PLG: variants seen among roughly 807,000 people sequenced by gnomAD.
PLG encodes the protein plasminogen, also known as plasmin.
In PLG, 41 loss-of-function variants were observed where a neutral mutation model predicts 104.4. The observed-to-expected ratio is 0.39, with a 90% CI of 0.31 to 0.51. The LOEUF is 0.51. Among genes scored for constraint, PLG ranks in the 20% least tolerant of loss-of-function variants. PLG has a pLI of 0.76. For missense variants in PLG, 891 were observed against 1,003.6 expected, an observed-to-expected ratio of 0.89 and a Z score of 1.52; for synonymous variants, 337 against 357.1, an observed-to-expected ratio of 0.94 and a Z score of 0.63.
chr6:160,722,391 T>C lies in PLG; in HGVS notation c.1097-17T>C, dbSNP rs1412011893. ...TTCAGTAATTGTTAAGCTTGATTTCTTTTATTTTAATTTCAGCACCACCTG... is the reference window on the plus strand; with the variant it reads ...TTCAGTAATTGTTAAGCTTGATTTCCTTTATTTTAATTTCAGCACCACCTG... On this transcript the variant is annotated splice_polypyrimidine_tract_variant and intron_variant, in intron 9 of 18. Coordinates refer to ENST00000308192, the MANE Select transcript of PLG (RefSeq NM_000301.5). 1.2e-6 allele frequency: 2 copies of C among 1,601,656 alleles called. No homozygotes were observed. Among genetic ancestry groups the C allele is most frequent in the South Asian group, 1.1e-5 (1 of 90,842 alleles).
chr6:160,704,001 T>C (rs1170903742), intron 1 of PLG, among the ~76,000 whole-genome samples: 3 of 152,230 alleles, frequency 2.0e-5, no homozygotes, highest in Admixed American at 2.0e-4. Flanking sequence ...TTTCACAAAT[T>C]AAGTCTTTTA....
At chr6:160,716,894 C>A in intron 7 of PLG, 131 bp downstream of exon 7, 1 of 737,902 alleles carries the variant, frequency 1.4e-6, no homozygotes, top group South Asian at 1.4e-5. Flanking sequence ...TGTTATTGGT[C>A]TTTATTTTAT....
chr6:160,702,239 C>G (rs549803884), upstream of PLG: 26 of 1,588,208 alleles, frequency 1.6e-5, no homozygotes, highest in South Asian at 4.5e-5. Flanking sequence ...TGCGTTTACT[C>G]TCATGTAAGT....
At chr6:160,716,879 T>C in intron 7 of PLG, 116 bp downstream of exon 7, 1 of 764,458 alleles carries the variant, frequency 1.3e-6, no homozygotes. Flanking sequence ...ACAAGTCCTA[T>C]GGGATGTTAT....
chr6:160,723,368 T>C lies in PLG; in HGVS notation c.1256+801T>C, dbSNP rs1777876928. Among the ~76,000 whole-genome samples, 1 of 152,056 alleles carries C rather than the reference T, an allele frequency of 6.6e-6. No individual in the cohort carries two copies. Among genetic ancestry groups the C allele is most frequent in the Non-Finnish European group, 1.5e-5 (1 of 68,010 alleles). On this transcript the variant is annotated intron_variant, in intron 10 of 18. Transcript: ENST00000308192. This position sits in a 1 kb window ranked among gnomAD's most constrained non-coding sequence, Gnocchi z 4.7. ...TTCTTCCATAAATGAGTACACAATA[T>C]ATGGAAAAAACTATTTTTACATATT...
At chr6:160,748,374 A>AAGAGAGAGAGAAAGAG (rs1331475547) in intron 17 of PLG, among the ~76,000 whole-genome samples, 1 of 55,318 alleles carries the variant, frequency 1.8e-5, no homozygotes, top group East Asian at 9.6e-4. Context: ...GAAAGAAAGA[A>AAGAGAGAGAGAAAGAG]AGAAAGAAAG....
At chr6:160,709,330 C>A (rs1302641232) in intron 3 of PLG, among the ~76,000 whole-genome samples, 1 of 152,168 alleles carries the variant, frequency 6.6e-6, no homozygotes, top group Non-Finnish European at 1.5e-5. Flanking sequence ...AGCCACACTG[C>A]CTTCACCAAG....
rs61731712 is a variant in PLG at position 160,739,131 on chromosome 6, G to C, written c.1941G>C (p.Pro647=). 2.2e-5 allele frequency: 36 copies of C among 1,613,928 alleles called. No homozygotes were observed. The highest frequency in any genetic ancestry group is 2.8e-5 in the Non-Finnish European group (33 of 1,180,008). Reference sequence around the variant, plus strand: ...CACACCAAGAAGTGAATCTCGAACCGCATGTTCAGGAAATAGAAGTGTCTA... The same window carrying C: ...CACACCAAGAAGTGAATCTCGAACCCCATGTTCAGGAAATAGAAGTGTCTA... ...LGAHQEVNLE[P]HVQEIEVSRL... The change falls in exon 16 of 19, where the codon CCG becomes CCC. Residue 647 remains proline (P), a synonymous_variant. Transcript: ENST00000308192. The surrounding 1 kb of genome is among the most constrained non-coding windows in gnomAD (Gnocchi z 4.4).
At chr6:160,721,008 A>C (rs1436867021) in intron 9 of PLG, among the ~76,000 whole-genome samples, 1 of 152,094 alleles carries the variant, frequency 6.6e-6, no homozygotes, top group Non-Finnish European at 1.5e-5. Context: ...TCCTCAGCCC[A>C]TTGAGAGAAT....
intron 3 of PLG, among the ~76,000 whole-genome samples, chr6:160,710,428 C>A (rs1025516801): frequency 6.6e-6 from 1 of 152,026 alleles, no homozygotes; most frequent in African/African-American, 2.4e-5. Flanking sequence ...AAACACCTGC[C>A]AGCTGCATGT....
At chr6:160,707,674 A>G in intron 2 of PLG, 26 bp from the exon 3 acceptor site, 2 of 1,541,172 alleles carry the variant, frequency 1.3e-6, no homozygotes, top group Non-Finnish European at 1.8e-6. Flanking sequence ...AAAAATACTT[A>G]TTGGATTTCC....
Position 160,752,696 on chromosome 6 carries a change from C to G in PLG, c.2272-204C>G, listed in dbSNP as rs4252198. Among the ~76,000 whole-genome samples, 1,550 of 152,300 alleles carry G rather than the reference C, an allele frequency of 0.01. 14 individuals are homozygous for G. Among genetic ancestry groups the G allele is most frequent in the Non-Finnish European group, 0.016 (1,060 of 68,036 alleles). ...GATTCACAAAAGATCTTTTCTACCCCCCGGAAAAACTAAGTGGTGTGGTTT... is the reference window on the plus strand; with the variant it reads ...GATTCACAAAAGATCTTTTCTACCCGCCGGAAAAACTAAGTGGTGTGGTTT... On this transcript the variant is annotated intron_variant, in intron 18 of 18. Transcript: ENST00000308192. The surrounding 1 kb of genome is among the most constrained non-coding windows in gnomAD (Gnocchi z 4.7).
rs960319032 is a variant in PLG at position 160,719,385 on chromosome 6, T to C, written c.1096+547T>C. On this transcript the variant is annotated intron_variant, in intron 9 of 18. Transcript: ENST00000308192. The surrounding 1 kb of genome is among the most constrained non-coding windows in gnomAD (Gnocchi z 4.1). ...CTTCTGAAGTTCTGAACTCTCTTTA[T>C]GGTGATATAAATACAGTCTCACAGC... 3.3e-5 allele frequency among the ~76,000 whole-genome samples: 5 copies of C among 152,356 alleles called. No individual in the cohort carries two copies. The highest frequency in any genetic ancestry group is 1.3e-4 in the Admixed American group (2 of 15,304).
rs1778250669 is a variant in PLG, at chr6:160,744,711, G to C, written c.2125+3294G>C. On this transcript the variant is annotated intron_variant, in intron 17 of 18. Transcript: ENST00000308192. This position sits in a 1 kb window ranked among gnomAD's most constrained non-coding sequence, Gnocchi z 4.5. ...CTTGCCATCTGCTAGCTTTGGGGTT[G>C]ATTTGCTCTTGTTTCTCTAATTTTT... Among the ~76,000 whole-genome samples, 1 of 152,102 alleles carries C rather than the reference G, an allele frequency of 6.6e-6. No homozygotes were observed. Among genetic ancestry groups the C allele is most frequent in the Admixed American group, 6.6e-5 (1 of 15,264 alleles).
intron 17 of PLG, among the ~76,000 whole-genome samples, chr6:160,748,362 A>AAGAGAGAGAGAG (rs1350820392): frequency 8.1e-5 from 3 of 37,118 alleles, no homozygotes; most frequent in East Asian, 0.011. Context: ...GAAAGAAAGA[A>AAGAGAGAGAGAG]AGAAAGAAAG....
chr6:160,714,281 G>T (rs4252097), intron 5 of PLG, among the ~76,000 whole-genome samples: 1 of 152,090 alleles, frequency 6.6e-6, no homozygotes. Context: ...GGTGAATATT[G>T]TTCTCCCTGA....
chr6:160,748,401 G>GAAAAAAAGAAAGA (rs1562383473), intron 17 of PLG, among the ~76,000 whole-genome samples: 1 of 71,040 alleles, frequency 1.4e-5, no homozygotes. Flanking sequence ...AGAAAGAAAG[G>GAAAAAAAGAAAGA]AAGAAAGAAA....
chr6:160,702,979 A>G (rs1467302274), intron 1 of PLG, among the ~76,000 whole-genome samples: 3 of 152,176 alleles, frequency 2.0e-5, no homozygotes, highest in Non-Finnish European at 4.4e-5. Flanking sequence ...ACACATACAT[A>G]CATACCTGTG....
chr6:160,741,144 C>A lies in PLG; in HGVS notation c.2019-167C>A, dbSNP rs1004204547. Among the ~76,000 whole-genome samples the A allele has an allele frequency of 6.6e-6, 1 of 152,230 alleles. No homozygotes were observed. Among genetic ancestry groups the A allele is most frequent in the African/African-American group, 2.4e-5 (1 of 41,458 alleles). ...CATCTGCATAGTCCATAGACAACCA[C>A]AGGCAAATGTGAGGGTGAAACTCTG... On this transcript the variant is annotated intron_variant, in intron 16 of 18. Coordinates refer to ENST00000308192, the MANE Select transcript of PLG (RefSeq NM_000301.5). The surrounding 1 kb of genome is among the most constrained non-coding windows in gnomAD (Gnocchi z 4.7).
Sources: gnomAD v4.1 joint callset for allele counts (sites outside exome capture counted in the v4.1 genomes callset) on GRCh38, gnomAD v4.1.1 for gene constraint, Gnocchi (gnomAD v3.1) non-coding constraint, MANE v1.5 for transcripts, NCBI Gene and HGNC (gene_info 2026-07-23, HGNC 2026-07-21) for gene names.